The following MDGA2 variants were observed in gnomAD, a reference collection of about 807,000 sequenced individuals.
The protein encoded by MDGA2 is MAM domain-containing glycosylphosphatidylinositol anchor protein 2.
A neutral mutation model predicts 117.8 loss-of-function variants in MDGA2; 40 were observed. The ratio of observed to expected loss-of-function variants is 0.34; its 90% CI spans 0.26 to 0.44. The LOEUF is 0.44. Ranked by LOEUF, MDGA2 falls within the 20% of genes least tolerant of loss-of-function variation. MDGA2 has a pLI of 1.00. For synonymous variants in MDGA2, 452 were observed against 439.0 expected (o/e 1.03, Z -0.37); for missense variants, 1,123 against 1,250.6 (o/e 0.90, Z 1.54).
intron 1 of MDGA2, among the ~76,000 whole-genome samples, chr14:47,424,113 T>G (rs1892636672): frequency 6.6e-6 from 1 of 152,066 alleles, no homozygotes; most frequent in Non-Finnish European, 1.5e-5. Flanking sequence ...ATGCCTGGCC[T>G]TAATCCTCAT....
intron 1 of MDGA2, among the ~76,000 whole-genome samples, chr14:47,488,637 T>C (rs575671451): frequency 6.6e-5 from 10 of 152,258 alleles, no homozygotes; most frequent in African/African-American, 1.9e-4. Flanking sequence ...ATCTTAGTTT[T>C]CATTTTAACT....
intron 1 of MDGA2, among the ~76,000 whole-genome samples, chr14:47,443,452 A>G (rs2138553140): frequency 6.6e-6 from 1 of 152,228 alleles, no homozygotes; most frequent in East Asian, 1.9e-4. Flanking sequence ...TAGCTTCAAA[A>G]CAGATGAGAA....
chr14:46,886,178 T>C (rs1016499671), intron 10 of MDGA2, among the ~76,000 whole-genome samples: 2 of 152,116 alleles, frequency 1.3e-5, no homozygotes, highest in Non-Finnish European at 2.9e-5. Flanking sequence ...TTAAAAGCCA[T>C]GTTACAATGA....
intron 8 of MDGA2, among the ~76,000 whole-genome samples, chr14:46,982,705 C>CAAAAAAAAAAAAAA (rs59530070): frequency 2.6e-4 from 12 of 45,936 alleles, no homozygotes; most frequent in African/African-American, 1.0e-3. Flanking sequence ...GAGACTCCAT[C>CAAAAAAAAAAAAAA]AAAAAAAAAA....
intron 1 of MDGA2, among the ~76,000 whole-genome samples, chr14:47,340,627 C>T (rs1207495275): frequency 6.6e-6 from 1 of 152,052 alleles, no homozygotes; most frequent in Non-Finnish European, 1.5e-5. Flanking sequence ...TTCTTACTGA[C>T]CTCTTAGGGT....
At chr14:47,477,811 A>T (rs1331253133) in intron 1 of MDGA2, among the ~76,000 whole-genome samples, 1 of 152,230 alleles carries the variant, frequency 6.6e-6, no homozygotes, top group African/African-American at 2.4e-5. Flanking sequence ...AAACTGTGAC[A>T]TCCCAGAGAG....
intron 10 of MDGA2, among the ~76,000 whole-genome samples, chr14:46,895,557 C>T (rs1009164095): frequency 6.6e-6 from 1 of 152,034 alleles, no homozygotes; most frequent in African/African-American, 2.4e-5. Context: ...GAAACCCCAT[C>T]TCTATTAAAA....
At chr14:47,064,405 C>A (rs1854101525) in intron 6 of MDGA2, among the ~76,000 whole-genome samples, 2 of 151,896 alleles carry the variant, frequency 1.3e-5, no homozygotes. Flanking sequence ...GTCCCTCTAA[C>A]AAAATAACAT....
chr14:47,490,947 A>G (rs1594884055), intron 1 of MDGA2, among the ~76,000 whole-genome samples: 1 of 152,072 alleles, frequency 6.6e-6, no homozygotes, highest in African/African-American at 2.4e-5. Context: ...CATTTCACAG[A>G]ACCTGTGACA....
intron 1 of MDGA2, among the ~76,000 whole-genome samples, chr14:47,672,876 A>C (rs1898100853): frequency 6.6e-6 from 1 of 151,670 alleles, no homozygotes; most frequent in African/African-American, 2.4e-5. Flanking sequence ...GTTAATTCCT[A>C]CTCTTTTCAG....
intron 1 of MDGA2, among the ~76,000 whole-genome samples, chr14:47,670,572 C>T (rs1898055991): frequency 6.6e-6 from 1 of 152,042 alleles, no homozygotes; most frequent in South Asian, 2.1e-4. Flanking sequence ...ACTTTCAAAA[C>T]TAAGAAAATG....
At chr14:47,250,118 A>G (rs1458201435) in intron 2 of MDGA2, among the ~76,000 whole-genome samples, 2 of 152,218 alleles carry the variant, frequency 1.3e-5, no homozygotes, top group African/African-American at 4.8e-5. Context: ...GTAGCTTGAC[A>G]TTAGATTAGA....
chr14:47,257,348 G>A (rs766672113), intron 2 of MDGA2, among the ~76,000 whole-genome samples: 29 of 151,966 alleles, frequency 1.9e-4, no homozygotes, highest in Admixed American at 7.2e-4. Context: ...GTTTTGCCTC[G>A]GATATTTACA....
chr14:47,077,735 T>C (rs1350802433), intron 6 of MDGA2, among the ~76,000 whole-genome samples: 3 of 151,928 alleles, frequency 2.0e-5, no homozygotes, highest in Non-Finnish European at 4.4e-5. Context: ...ATAAATTCTA[T>C]ATATTTTACA....
intron 1 of MDGA2, among the ~76,000 whole-genome samples, chr14:47,333,465 T>C (rs1218586337): frequency 3.3e-5 from 5 of 151,910 alleles, no homozygotes; most frequent in African/African-American, 1.2e-4. Context: ...AGATTAATAT[T>C]TTATCCCAAA....
chr14:47,091,985 T>G (rs1323805356), intron 6 of MDGA2, among the ~76,000 whole-genome samples: 1 of 152,146 alleles, frequency 6.6e-6, no homozygotes, highest in African/African-American at 2.4e-5. Context: ...CTGTACTCTT[T>G]CATGAACAAA....
intron 6 of MDGA2, among the ~76,000 whole-genome samples, chr14:47,096,579 T>C (rs995253367): frequency 2.0e-5 from 3 of 152,008 alleles, no homozygotes; most frequent in Non-Finnish European, 2.9e-5. Flanking sequence ...TCTTTCAATC[T>C]TTTTTTAGCT....
chr14:46,855,712 T>C lies in MDGA2; in HGVS notation c.2753-558A>G, dbSNP rs149295748. The stretch of plus-strand genomic sequence containing the variant: ...TTCTCCAGAATGATAAGCTAATAAA[T>C]TTGTGTTGTTTTAGATCATGAAGTT... On this transcript the variant is annotated intron_variant, in intron 14 of 16. Coordinates refer to ENST00000399232, the MANE Select transcript of MDGA2 (RefSeq NM_001113498.3). This position sits in a 1 kb window ranked among gnomAD's most constrained non-coding sequence, Gnocchi z 4.1. 4.6e-3 allele frequency among the ~76,000 whole-genome samples: 693 copies of C among 152,224 alleles called. 9 individuals are homozygous for C. The highest frequency in any genetic ancestry group is 0.016 in the African/African-American group (664 of 41,550).
At chr14:46,918,536 A>T (rs1023440407) in intron 10 of MDGA2, among the ~76,000 whole-genome samples, 3 of 152,172 alleles carry the variant, frequency 2.0e-5, no homozygotes, top group Non-Finnish European at 2.9e-5. Flanking sequence ...ATGTTAATAT[A>T]GATTTCGGTT....
Sources: gnomAD v4.1 joint callset for allele counts (sites outside exome capture counted in the v4.1 genomes callset) on GRCh38, gnomAD v4.1.1 for gene constraint, Gnocchi (gnomAD v3.1) non-coding constraint, MANE v1.5 for transcripts, NCBI Gene and HGNC (gene_info 2026-07-23, HGNC 2026-07-21) for gene names.